Variants in VCL observed in about 807,000 individuals in gnomAD.
VCL encodes vinculin.
In VCL, 47 loss-of-function variants were observed where a neutral mutation model predicts 125.7. That is an observed-to-expected ratio of 0.37 (90% CI 0.30 to 0.48). VCL has a LOEUF of 0.48. Among genes scored for constraint, VCL ranks in the 20% least tolerant of loss-of-function variants. VCL has a pLI of 0.99. For synonymous variants in VCL, 458 were observed against 514.6 expected, an observed-to-expected ratio of 0.89 and a Z score of 1.49; for missense variants, 1,069 against 1,455.5, an observed-to-expected ratio of 0.73 and a Z score of 4.32.
chr10:74,112,461 C>T (rs981392790), intron 19 of VCL, among the ~76,000 whole-genome samples: 7 of 152,168 alleles, frequency 4.6e-5, no homozygotes, highest in African/African-American at 1.7e-4. Context: ...TAGACCATTA[C>T]GAGGTCACCT....
At chr10:74,049,235 CTTG>C (rs1841253588) in intron 2 of VCL, among the ~76,000 whole-genome samples, 1 of 151,966 alleles carries the variant, frequency 6.6e-6, no homozygotes, top group Admixed American at 6.6e-5. Context: ...GTATAATATG[CTTG>C]TTATTATGTT....
intron 2 of VCL, among the ~76,000 whole-genome samples, chr10:74,044,369 T>C (rs2136249829): frequency 1.3e-5 from 2 of 152,238 alleles, no homozygotes; most frequent in African/African-American, 4.8e-5. Flanking sequence ...ATAGAACTCA[T>C]AGAAGTCAAT....
chr10:74,021,172 C>G (rs1032247423), intron 1 of VCL, among the ~76,000 whole-genome samples: 5 of 152,140 alleles, frequency 3.3e-5, no homozygotes, highest in Admixed American at 6.6e-5. Flanking sequence ...TCATGAAGCT[C>G]TTCCCAGGCT....
intron 1 of VCL, among the ~76,000 whole-genome samples, chr10:74,020,614 G>T (rs1406453595): frequency 6.6e-6 from 1 of 152,066 alleles, no homozygotes; most frequent in Non-Finnish European, 1.5e-5. Context: ...ACCGAGGTGG[G>T]TGGACCACTT....
chr10:74,032,933 G>A (rs1345388828), intron 1 of VCL, among the ~76,000 whole-genome samples: 1 of 152,028 alleles, frequency 6.6e-6, no homozygotes, highest in Non-Finnish European at 1.5e-5. Flanking sequence ...TAGCTGCTGC[G>A]AATGTTAAAT....
intron 2 of VCL, among the ~76,000 whole-genome samples, chr10:74,053,606 CT>C (rs1841344791): frequency 6.6e-6 from 1 of 151,542 alleles, no homozygotes; most frequent in Non-Finnish European, 1.5e-5. Context: ...TATGTTCAAT[CT>C]TTCTTTTCTT....
In VCL at chr10:74,114,872, C is replaced by G; in HGVS notation, c.3231C>G (p.Thr1077=). 1 of 1,601,732 alleles carries G rather than the reference C, an allele frequency of 6.2e-7. No individual in the cohort carries two copies. The highest frequency in any genetic ancestry group is 8.5e-7 in the Non-Finnish European group (1 of 1,174,492). Residue 1077 remains threonine (T), a synonymous_variant, in exon 21 of 22, where the codon ACC becomes ACG. Coordinates refer to ENST00000211998, the MANE Select transcript of VCL (RefSeq NM_014000.3). The part of the protein sequence containing the change: ...STVKATMLGR[T]NISDEESEQA... ...TGAAGGCCACCATGCTGGGCCGGAC[C>G]AACATCAGTGATGAGGAGTCTGAGC...
At chr10:74,072,695 T>C (rs1841680181) in intron 4 of VCL, 35 bp from the exon 5 acceptor site, 2 of 1,613,700 alleles carry the variant, frequency 1.2e-6, no homozygotes, top group Non-Finnish European at 1.7e-6. Context: ...ATTGTTTCAC[T>C]ACTCACCCTG....
At chr10:74,010,998 C>T (rs1353846325) in intron 1 of VCL, among the ~76,000 whole-genome samples, 1 of 151,652 alleles carries the variant, frequency 6.6e-6, no homozygotes, top group African/African-American at 2.4e-5. Flanking sequence ...GGCGAAACCC[C>T]ATCTCTACTA....
At chr10:74,022,094 C>T (rs1190312296) in intron 1 of VCL, among the ~76,000 whole-genome samples, 1 of 152,058 alleles carries the variant, frequency 6.6e-6, no homozygotes, top group Non-Finnish European at 1.5e-5. Flanking sequence ...CATCCCTAAC[C>T]CCTTTCTGAT....
chr10:73,998,322 G>T lies in VCL; in HGVS notation c.115G>T (p.Asp39Tyr). 6.3e-7 allele frequency: 1 copy of T among 1,575,750 alleles called. No homozygotes were observed. The highest frequency in any genetic ancestry group is 8.6e-7 in the Non-Finnish European group (1 of 1,160,576). ...EGEVDGKAIP[D>Y]LTAPVAAVQA... Reference sequence around the variant, plus strand: ...CGAGGTGGACGGCAAAGCCATTCCTGACCTCACCGCGCCCGTGGCCGCCGT... The same window carrying T: ...CGAGGTGGACGGCAAAGCCATTCCTTACCTCACCGCGCCCGTGGCCGCCGT... The change falls in exon 1 of 22, where the codon GAC becomes TAC. Residue 39 changes from aspartate (D) to tyrosine (Y), a missense_variant. Physicochemically the swap from Asp to Tyr is radical, Grantham distance 160. Transcript: ENST00000211998.
At position 74,118,127 on chromosome 10, in the gene VCL, A is replaced by C. The variant is rs771949807; in HGVS notation, c.3363A>C (p.Gly1121=). The change falls in exon 22 of 22, where the codon GGA becomes GGC. Residue 1121 remains glycine (G), a synonymous_variant. Transcript: ENST00000211998. ...CAATCAAAATTCGAACAGATGCTGG[A>C]TTTACACTGCGCTGGGTTAGAAAGA... ...AASIKIRTDA[G]FTLRWVRKTP... is the part of the protein sequence containing the mutation. 3.1e-6 allele frequency: 5 copies of C among 1,614,120 alleles called. No homozygotes were observed. The South Asian group carries it at 5.5e-5, about 18-fold the overall frequency.
At chr10:74,003,243 G>A (rs1238649148) in intron 1 of VCL, among the ~76,000 whole-genome samples, 1 of 151,778 alleles carries the variant, frequency 6.6e-6, no homozygotes, top group East Asian at 1.9e-4. Context: ...CTCTATTTAA[G>A]GCAGTTTTAA....
chr10:74,007,056 A>C (rs184279584), intron 1 of VCL, among the ~76,000 whole-genome samples: 1 of 151,506 alleles, frequency 6.6e-6, no homozygotes, highest in African/African-American at 2.4e-5. Flanking sequence ...GCGTCGACCT[A>C]CTGGGCATTG....
At chr10:74,032,862 G>A (rs986593530) in intron 1 of VCL, among the ~76,000 whole-genome samples, 2 of 152,088 alleles carry the variant, frequency 1.3e-5, no homozygotes, top group African/African-American at 4.8e-5. Context: ...TAGGAGGGCT[G>A]TAATTAAAAA....
At chr10:74,117,990 C>T (rs773795039) in intron 21 of VCL, 33 bp from the exon 22 acceptor site, 1 of 1,613,132 alleles carries the variant, frequency 6.2e-7, no homozygotes, top group Admixed American at 1.7e-5. Flanking sequence ...CATCAGGGAC[C>T]CTGGGTAACG....
intron 1 of VCL, among the ~76,000 whole-genome samples, chr10:74,005,586 T>G (rs1840308428): frequency 6.6e-6 from 1 of 152,180 alleles, no homozygotes; most frequent in African/African-American, 2.4e-5. Context: ...TTCCAATCAT[T>G]TTTAACATTT....
At chr10:74,006,803 A>T (rs1591646473) in intron 1 of VCL, among the ~76,000 whole-genome samples, 1 of 152,216 alleles carries the variant, frequency 6.6e-6, no homozygotes, top group Non-Finnish European at 1.5e-5. Flanking sequence ...AATATAGCTC[A>T]TGATATATAT....
intron 2 of VCL, among the ~76,000 whole-genome samples, chr10:74,070,178 T>C (rs1841642495): frequency 6.6e-6 from 1 of 152,298 alleles, no homozygotes; most frequent in African/African-American, 2.4e-5. Context: ...CACCATGCTT[T>C]GGCATTTTAT....
Sources: gnomAD v4.1 joint callset for allele counts (sites outside exome capture counted in the v4.1 genomes callset) on GRCh38, gnomAD v4.1.1 for gene constraint, MANE v1.5 for transcripts, NCBI Gene and HGNC (gene_info 2026-07-23, HGNC 2026-07-21) for gene names.